Variants in TNIP1 observed in about 807,000 individuals in gnomAD.
TNIP1 encodes the protein TNFAIP3 interacting protein 1.
In TNIP1, 22 loss-of-function variants were observed where a neutral mutation model predicts 86.6. The ratio of observed to expected loss-of-function variants is 0.25; its 90% CI spans 0.18 to 0.36. The LOEUF is 0.36. TNIP1 is among the 10% of genes least tolerant of loss of function. The probability of loss-of-function intolerance (pLI) is 1.00; values close to 1 mark genes in which losing one functional copy is unlikely to be tolerated. For missense variants in TNIP1, 709 were observed against 820.6 expected (o/e 0.86, Z 1.66); for synonymous variants, 294 against 313.0 (o/e 0.94, Z 0.64).
chr5:151,065,155 C>T, intron 1 of TNIP1, 24 bp from the exon 2 acceptor site: 1 of 1,586,198 alleles, frequency 6.3e-7, no homozygotes, highest in South Asian at 1.1e-5. Context: ...AGCAGCATAT[C>T]AGCAGGCTGG....
chr5:151,084,182 C>T (rs1333699043), upstream of TNIP1, among the ~76,000 whole-genome samples: 7 of 152,202 alleles, frequency 4.6e-5, no homozygotes, highest in East Asian at 1.9e-4. Context: ...CCGTGGCTCA[C>T]GCCTGTAATC....
chr5:151,087,348 G>A (rs775587743), upstream of TNIP1, among the ~76,000 whole-genome samples: 31 of 152,198 alleles, frequency 2.0e-4, 1 homozygote, highest in Admixed American at 3.3e-4. Context: ...GTCCCGTGCT[G>A]TGAATTCCAG....
intron 3 of TNIP1, 126 bp downstream of exon 3, chr5:151,063,487 G>T: frequency 7.2e-7 from 1 of 1,384,658 alleles, no homozygotes; most frequent in Middle Eastern, 1.9e-4. Context: ...ATGAATGGAA[G>T]GGTAGCCTGT....
chr5:151,039,100 G>A lies in TNIP1; in HGVS notation c.1260C>T (p.Asn420=). 5 of 1,612,936 alleles carry A rather than the reference G, an allele frequency of 3.1e-6. No homozygotes were observed. In the East Asian group the frequency reaches 6.7e-5, roughly 22 times the overall value. Residue 420 remains asparagine, a synonymous_variant, in exon 12 of 18, where the codon AAC becomes AAT. Transcript: ENST00000521591. ...EYQEKEIQRL[N]KALEEALSIQ... ...GGACCCGGGCCAAGGCACCCACCTT[G>A]TTGAGCCGCTGGATCTCCTTTTCCT...
At chr5:151,070,375 C>T (rs1177728370) in intron 1 of TNIP1, among the ~76,000 whole-genome samples, 1 of 152,194 alleles carries the variant, frequency 6.6e-6, no homozygotes, top group Non-Finnish European at 1.5e-5. Context: ...CAACTGTGCC[C>T]AGCTTATCTA....
chr5:151,057,109 C>T (rs1441477549), intron 5 of TNIP1, 152 bp from the exon 6 acceptor site: 12 of 886,310 alleles, frequency 1.4e-5, no homozygotes, highest in Non-Finnish European at 1.7e-5. Context: ...ATGCAGGTTC[C>T]CTGTCTGGGG....
intron 15 of TNIP1, 100 bp from the exon 16 acceptor site, chr5:151,033,899 C>T: frequency 8.9e-7 from 1 of 1,122,374 alleles, no homozygotes; most frequent in Admixed American, 3.2e-5. Flanking sequence ...TGAAGGCTAG[C>T]AGGCTGGGTA....
At chr5:151,063,521 G>A (rs1761846816) in intron 3 of TNIP1, 92 bp downstream of exon 3, 1 of 1,531,018 alleles carries the variant, frequency 6.5e-7, no homozygotes, top group Middle Eastern at 1.7e-4. Flanking sequence ...ACGAGAGAAT[G>A]TGGGTTTTGG....
chr5:151,075,574 G>C (rs536599620), intron 1 of TNIP1, among the ~76,000 whole-genome samples: 13 of 152,304 alleles, frequency 8.5e-5, no homozygotes, highest in African/African-American at 2.9e-4. Flanking sequence ...CCACTTATAA[G>C]TGAGAAAATG....
chr5:151,033,632 G>C lies in TNIP1; in HGVS notation c.1755C>G (p.Leu585=). 1 of 1,377,622 alleles carries C rather than the reference G, an allele frequency of 7.3e-7. No individual in the cohort carries two copies. The highest frequency in any genetic ancestry group is 9.5e-7 in the Non-Finnish European group (1 of 1,053,522). The allele number at this position is 1,377,622 out of a possible 1,614,324, so 85.3% of individuals were successfully genotyped here. ...CCAGATGGAAGAGGCGCGAGTTGGG[G>C]AGTGGGGGCGGGTGCTCCATGGCCA... ...PPMAMEHPPP[L]PNSRLFHLPE... is the part of the protein sequence containing the mutation. The change falls in exon 16 of 18, where the codon CTC becomes CTG. Residue 585 remains leucine (L), a synonymous_variant. Coordinates refer to ENST00000521591, the MANE Select transcript of TNIP1 (RefSeq NM_006058.5).
At chr5:151,047,705 TA>T (rs60038106) in intron 8 of TNIP1, among the ~76,000 whole-genome samples, 2,697 of 147,386 alleles carry the variant, frequency 0.018, 76 homozygotes, top group African/African-American at 0.062. Flanking sequence ...GTTTAAAGGT[TA>T]AAAAAAAAAA....
intron 11 of TNIP1, among the ~76,000 whole-genome samples, chr5:151,041,738 C>T (rs114894924): frequency 8.4e-4 from 128 of 152,302 alleles, no homozygotes; most frequent in Non-Finnish European, 1.6e-3. Context: ...TCTTTCCCAG[C>T]GAGGGCAGGG....
At chr5:151,042,986 A>G (rs1289899175) in intron 9 of TNIP1, 25 bp from the exon 10 acceptor site, 2 of 1,613,440 alleles carry the variant, frequency 1.2e-6, no homozygotes, top group African/African-American at 2.7e-5. Context: ...TGGAGTTAGC[A>G]GGAGATGAGC....
At chr5:151,052,347 G>C in intron 6 of TNIP1, 88 bp from the exon 7 acceptor site, 1 of 1,094,474 alleles carries the variant, frequency 9.1e-7, no homozygotes, top group Non-Finnish European at 1.4e-6. Context: ...GGGGCCTGTA[G>C]CCACCCCAGG....
upstream of TNIP1, among the ~76,000 whole-genome samples, chr5:151,084,277 T>C (rs987196645): frequency 2.0e-5 from 3 of 152,066 alleles, no homozygotes; most frequent in Admixed American, 1.3e-4. Flanking sequence ...AAACCCCGTC[T>C]CTACTAAAAA....
At chr5:151,069,948 C>T (rs1561533502) in intron 1 of TNIP1, among the ~76,000 whole-genome samples, 1 of 152,172 alleles carries the variant, frequency 6.6e-6, no homozygotes, top group Non-Finnish European at 1.5e-5. Context: ...ATGGAAACAT[C>T]GCTGCCTTGG....
In TNIP1 at chr5:151,035,351, C is replaced by T. The variant is rs375519103; in HGVS notation, c.1521+231G>A. 6.0e-4 allele frequency among the ~76,000 whole-genome samples: 92 copies of T among 152,358 alleles called. 3 individuals are homozygous for T. The South Asian group carries it at 0.016, about 26-fold the overall frequency. ...TTAGTTCCACTCTGGGAGAGTAAAG[C>T]CCAGAACTGACTGTGGAAAGTCAGA... is the stretch of plus-strand genomic sequence containing the variant. On this transcript the variant is annotated intron_variant, in intron 14 of 17. Transcript: ENST00000521591.
At position 151,049,772 on chromosome 5, in the gene TNIP1, G is replaced by C. The variant is rs1759659683; in HGVS notation, c.846+52C>G. 3.7e-6 allele frequency: 6 copies of C among 1,607,200 alleles called. No homozygotes were observed. In the South Asian group the frequency reaches 5.5e-5, roughly 15 times the overall value. On this transcript the variant is annotated intron_variant, in intron 8 of 17. Coordinates refer to ENST00000521591, the MANE Select transcript of TNIP1 (RefSeq NM_006058.5). The stretch of plus-strand genomic sequence containing the variant: ...ACTGTCACTGGAGGTGGTAAGCAGA[G>C]GCTGAGTACCTGCAACCAAGGATGC...
chr5:151,068,273 A>G (rs1301822525), intron 1 of TNIP1, among the ~76,000 whole-genome samples: 1 of 152,216 alleles, frequency 6.6e-6, no homozygotes, highest in African/African-American at 2.4e-5. Context: ...CCAGATGGTC[A>G]GCGGCAGTCC....
Sources: allele counts gnomAD v4.1 joint callset (sites outside exome capture counted in the v4.1 genomes callset), GRCh38; gene constraint gnomAD v4.1.1; transcripts MANE v1.5; gene names NCBI Gene and HGNC (gene_info 2026-07-23, HGNC 2026-07-21).